DPYSL2: variants seen among roughly 807,000 people sequenced by gnomAD.
DPYSL2 encodes dihydropyrimidinase-related protein 2.
DPYSL2 carries 13 observed loss-of-function variants against 69.9 expected under a neutral mutation model. That is an observed-to-expected ratio of 0.19 (90% confidence interval 0.12 to 0.30). DPYSL2 has a LOEUF of 0.30. Ranked by LOEUF, DPYSL2 falls within the 10% of genes least tolerant of loss-of-function variation. The pLI is 1.00. For missense variants in DPYSL2, 587 were observed against 918.9 expected (o/e 0.64, Z 4.67); for synonymous variants, 326 against 359.1 (o/e 0.91, Z 1.04).
At position 26,639,678 on chromosome 8, in the gene DPYSL2, C is replaced by T. The variant is rs141618282; in HGVS notation, c.1127-3761C>T. ...GGAGCAACCAACCACTCTCGTTATACTTGTTAATTTTACAAAAATGTTTAA... is the reference window on the plus strand; with the variant it reads ...GGAGCAACCAACCACTCTCGTTATATTTGTTAATTTTACAAAAATGTTTAA... On this transcript the variant is annotated intron_variant, in intron 8 of 13. Coordinates refer to ENST00000521913, the MANE Select transcript of DPYSL2 (RefSeq NM_001197293.3). 7.9e-5 allele frequency among the ~76,000 whole-genome samples: 12 copies of T among 152,306 alleles called. No individual in the cohort carries two copies. In the East Asian group the frequency reaches 2.1e-3, roughly 27 times the overall value.
In DPYSL2 at chr8:26,643,420, T is replaced by C. The variant is rs371024991; in HGVS notation, c.1127-19T>C. 3.8e-6 allele frequency: 6 copies of C among 1,570,282 alleles called. No individual in the cohort carries two copies. In the African/African-American group the frequency reaches 8.1e-5, roughly 21 times the overall value. ...CCCTGCATTGTGTTGGACTGAACCT[T>C]GTGTGTTCTGTTTGTCAGGAACTGT... On this transcript the variant is annotated intron_variant, in intron 8 of 13. Transcript: ENST00000521913. This position sits in a 1 kb window ranked among gnomAD's most constrained non-coding sequence, Gnocchi z 6.5.
chr8:26,647,441 A>G lies in DPYSL2; in HGVS notation c.1426-189A>G, dbSNP rs1803191081. On this transcript the variant is annotated intron_variant, in intron 10 of 13. Transcript: ENST00000521913. This position sits in a 1 kb window ranked among gnomAD's most constrained non-coding sequence, Gnocchi z 5.1. Reference sequence around the variant, plus strand: ...TGTTCTCCATCTCTACCATTTTGTTATTTGGAGAATGTTATAGAAATGGAG... The same window carrying G: ...TGTTCTCCATCTCTACCATTTTGTTGTTTGGAGAATGTTATAGAAATGGAG... Among the ~76,000 whole-genome samples, 2 of 152,130 alleles carry G rather than the reference A, an allele frequency of 1.3e-5. No individual in the cohort carries two copies. Among genetic ancestry groups the G allele is most frequent in the African/African-American group, 4.8e-5 (2 of 41,418 alleles).
intron 1 of DPYSL2, among the ~76,000 whole-genome samples, chr8:26,550,756 C>T (rs1800861733): frequency 6.6e-6 from 1 of 152,098 alleles, no homozygotes; most frequent in Admixed American, 6.5e-5. Flanking sequence ...ACCAGGGAAG[C>T]TGGTAGCTGG....
rs147402807 is a variant in DPYSL2 at position 26,542,191 on chromosome 8, G to A, written c.354+27512G>A. On this transcript the variant is annotated intron_variant, in intron 1 of 13. Transcript: ENST00000521913. ...CAGTCCTAGCTACTAGGAAGGCTGA[G>A]GTGGGAGAATCGCTTGAGGCTGGGA... 1.6e-3 allele frequency among the ~76,000 whole-genome samples: 240 copies of A among 152,262 alleles called. 1 individual carries two copies. Among genetic ancestry groups the A allele is most frequent in the African/African-American group, 5.4e-3 (226 of 41,540 alleles).
At position 26,610,708 on chromosome 8, in the gene DPYSL2, C is replaced by G. The variant is rs986058505; in HGVS notation, c.629-13435C>G. 6.6e-6 allele frequency among the ~76,000 whole-genome samples: 1 copy of G among 152,196 alleles called. No individual in the cohort carries two copies. Among genetic ancestry groups the G allele is most frequent in the African/African-American group, 2.4e-5 (1 of 41,428 alleles). On this transcript the variant is annotated intron_variant, in intron 3 of 13. Transcript: ENST00000521913. This position sits in a 1 kb window ranked among gnomAD's most constrained non-coding sequence, Gnocchi z 4.5. ...TGCATCTCGTCTCCCCACAACAGCA[C>G]TGGAAGGTGCTAGAACACTTGGAGA...
intron 1 of DPYSL2, among the ~76,000 whole-genome samples, chr8:26,520,934 A>G (rs1808374470): frequency 6.6e-6 from 1 of 152,008 alleles, no homozygotes. Flanking sequence ...TAAGGTCACT[A>G]TCCTGCTTAT....
chr8:26,643,791 C>G lies in DPYSL2; in HGVS notation c.1284-159C>G, dbSNP rs192797599. Among the ~76,000 whole-genome samples, 106 of 152,294 alleles carry G rather than the reference C, an allele frequency of 7.0e-4. No individual in the cohort carries two copies. The highest frequency in any genetic ancestry group is 1.2e-3 in the Non-Finnish European group (84 of 68,028). ...TTGGGAGGGGATTCTGGATAAAAAC[C>G]TGGGCCATGTTGAAAGTCAAGCCAA... On this transcript the variant is annotated intron_variant, in intron 9 of 13. Coordinates refer to ENST00000521913, the MANE Select transcript of DPYSL2 (RefSeq NM_001197293.3). This position sits in a 1 kb window ranked among gnomAD's most constrained non-coding sequence, Gnocchi z 6.5.
At position 26,657,157 on chromosome 8, in the gene DPYSL2, A is replaced by G. The variant is rs532847134; in HGVS notation, c.*1451A>G. ...CATTGGGAAACTTAAAGTCTATTCTACTTTGCAAGAGGAGAAATGTGTTTT... is the reference window on the plus strand; with the variant it reads ...CATTGGGAAACTTAAAGTCTATTCTGCTTTGCAAGAGGAGAAATGTGTTTT... On this transcript the variant is annotated 3_prime_UTR_variant, in exon 14 of 14. Coordinates refer to ENST00000521913, the MANE Select transcript of DPYSL2 (RefSeq NM_001197293.3). 1 of 152,524 alleles carries G rather than the reference A, an allele frequency of 6.6e-6. No homozygotes were observed. Among genetic ancestry groups the G allele is most frequent in the African/African-American group, 2.4e-5 (1 of 41,584 alleles). The allele number at this position is 152,524 out of a possible 1,614,324, so 9.4% of individuals were successfully genotyped here. A position where few individuals can be genotyped will look rare whatever the true frequency, so the allele number is the denominator to read the frequency against.
rs575201909 is a variant in DPYSL2 at position 26,560,539 on chromosome 8, G to C, written c.355-21430G>C. 1.3e-5 allele frequency among the ~76,000 whole-genome samples: 2 copies of C among 152,106 alleles called. No homozygotes were observed. Among genetic ancestry groups the C allele is most frequent in the Non-Finnish European group, 2.9e-5 (2 of 68,028 alleles). ...AGCTCACAGCCAGGCTCTGTGGGCTGCACCCCATGAGAAATTCTAGGTGAA... is the reference window on the plus strand; with the variant it reads ...AGCTCACAGCCAGGCTCTGTGGGCTCCACCCCATGAGAAATTCTAGGTGAA... On this transcript the variant is annotated intron_variant, in intron 1 of 13. Transcript: ENST00000521913. This position sits in a 1 kb window ranked among gnomAD's most constrained non-coding sequence, Gnocchi z 4.4.
intron 3 of DPYSL2, among the ~76,000 whole-genome samples, chr8:26,608,521 T>C (rs1802157654): frequency 6.6e-6 from 1 of 152,212 alleles, no homozygotes; most frequent in Non-Finnish European, 1.5e-5. Context: ...TGAGGAAGTA[T>C]TTACATTTGT....
rs1446888159 is a variant in DPYSL2 at position 26,609,962 on chromosome 8, GGCATAC to G, written c.629-14180_629-14175del. 4.6e-5 allele frequency among the ~76,000 whole-genome samples: 7 copies of G among 152,146 alleles called. No individual in the cohort carries two copies. Among genetic ancestry groups the G allele is most frequent in the African/African-American group, 1.7e-4 (7 of 41,426 alleles). On this transcript the variant is annotated intron_variant, in intron 3 of 13. Transcript: ENST00000521913. This position sits in a 1 kb window ranked among gnomAD's most constrained non-coding sequence, Gnocchi z 6.5. ...ACCTCCTCCCTGTCACATGCACATGGGCATACACACACGTACACACTCACCCATGTG... is the reference window on the plus strand; with the variant it reads ...ACCTCCTCCCTGTCACATGCACATGGACACACGTACACACTCACCCATGTG...
In DPYSL2 at chr8:26,647,825, C is replaced by T; in HGVS notation, c.1596+25C>T. On this transcript the variant is annotated intron_variant, in intron 11 of 13. Coordinates refer to ENST00000521913, the MANE Select transcript of DPYSL2 (RefSeq NM_001197293.3). This position sits in a 1 kb window ranked among gnomAD's most constrained non-coding sequence, Gnocchi z 5.1. ...CGTAAGACCTGTTAACTGTGCAGAC[C>T]CCATCCAAACGAATTACAGTCACAG... 6.3e-7 allele frequency: 1 copy of T among 1,580,894 alleles called. No homozygotes were observed. The highest frequency in any genetic ancestry group is 8.6e-7 in the Non-Finnish European group (1 of 1,162,676).
rs1801858930 is a variant in DPYSL2, at chr8:26,596,231, G to A, written c.628+12248G>A. On this transcript the variant is annotated intron_variant, in intron 3 of 13. Coordinates refer to ENST00000521913, the MANE Select transcript of DPYSL2 (RefSeq NM_001197293.3). The stretch of plus-strand genomic sequence containing the variant: ...AAGCCACAGCTTGGGCACAGCATTG[G>A]TGGCGTGTTGTTGTGTCACTTTGCA... Among the ~76,000 whole-genome samples, 2 of 152,214 alleles carry A rather than the reference G, an allele frequency of 1.3e-5. 1 individual carries two copies. Among genetic ancestry groups the A allele is most frequent in the South Asian group, 4.1e-4 (2 of 4,832 alleles).
At chr8:26,537,660 G>A (rs528570444) in intron 1 of DPYSL2, among the ~76,000 whole-genome samples, 74 of 127,220 alleles carry the variant, frequency 5.8e-4, no homozygotes, top group Non-Finnish European at 9.7e-4. Flanking sequence ...TCATTCGAGA[G>A]TAAGTTGCAG....
Position 26,539,496 on chromosome 8 carries a change from C to T in DPYSL2, c.354+24817C>T, listed in dbSNP as rs574912305. Among the ~76,000 whole-genome samples, 6 of 152,232 alleles carry T rather than the reference C, an allele frequency of 3.9e-5. No homozygotes were observed. The South Asian group carries it at 1.0e-3, about 26-fold the overall frequency. On this transcript the variant is annotated intron_variant, in intron 1 of 13. Coordinates refer to ENST00000521913, the MANE Select transcript of DPYSL2 (RefSeq NM_001197293.3). ...AAGTTTTCCACTACATACACAGTAA[C>T]GTTGAATAAATGGTACACATGTAAT...
intron 10 of DPYSL2, among the ~76,000 whole-genome samples, chr8:26,646,522 T>G (rs1010592221): frequency 3.3e-5 from 5 of 152,226 alleles, no homozygotes; most frequent in Non-Finnish European, 5.9e-5. Flanking sequence ...AGTGAAAATT[T>G]TTTCCTATGC....
At position 26,653,397 on chromosome 8, in the gene DPYSL2, G is replaced by T; in HGVS notation, c.1942G>T (p.Gly648Cys). Residue 648 changes from glycine (G) to cysteine (C), a missense_variant and splice_region_variant, in exon 13 of 14, where the codon GGT (glycine) becomes TGT (cysteine). Gly to Cys is a radical substitution (Grantham distance 159). This residue lies in a region of DPYSL2 where 452 missense variants were observed against 754.3 expected (regional missense o/e 0.60). Coordinates refer to ENST00000521913, the MANE Select transcript of DPYSL2 (RefSeq NM_001197293.3). The surrounding 1 kb of genome is among the most constrained non-coding windows in gnomAD (Gnocchi z 5.7). ...GCACCAGTCTGGATTCAGTTTGTCT[G>T]GTAGGGTTGGGGCTTGGGGAGGGCA... ...NLHQSGFSLS[G>C]AQIDDNIPRR... 1 of 1,612,600 alleles carries T rather than the reference G, an allele frequency of 6.2e-7. No individual in the cohort carries two copies. The highest frequency in any genetic ancestry group is 8.5e-7 in the Non-Finnish European group (1 of 1,179,228).
chr8:26,526,255 C>T (rs1370384656), intron 1 of DPYSL2, among the ~76,000 whole-genome samples: 2 of 152,052 alleles, frequency 1.3e-5, no homozygotes, highest in Non-Finnish European at 2.9e-5. Flanking sequence ...CCACCATGCC[C>T]GGCTACTTTT....
rs1802184311 is a variant in DPYSL2 at position 26,609,644 on chromosome 8, C to T, written c.629-14499C>T. On this transcript the variant is annotated intron_variant, in intron 3 of 13. Transcript: ENST00000521913. The surrounding 1 kb of genome is among the most constrained non-coding windows in gnomAD (Gnocchi z 6.5). ...CGTTATTCACATGTTTCTCTGGCCACCTCATCGGGCTGGACGCTGCCGGCT... is the reference window on the plus strand; with the variant it reads ...CGTTATTCACATGTTTCTCTGGCCATCTCATCGGGCTGGACGCTGCCGGCT... Among the ~76,000 whole-genome samples, 1 of 152,198 alleles carries T rather than the reference C, an allele frequency of 6.6e-6. No individual in the cohort carries two copies. Among genetic ancestry groups the T allele is most frequent in the Admixed American group, 6.5e-5 (1 of 15,276 alleles).
Sources: allele counts gnomAD v4.1 joint callset (sites outside exome capture counted in the v4.1 genomes callset), GRCh38; gene constraint gnomAD v4.1.1; regional missense constraint gnomAD v4.1.1; non-coding constraint Gnocchi (gnomAD v3.1); transcripts MANE v1.5; gene names NCBI Gene and HGNC (gene_info 2026-07-23, HGNC 2026-07-21).